KLHL3: variants seen among roughly 807,000 people sequenced by gnomAD.
The protein encoded by KLHL3 is kelch-like protein 3.
In KLHL3, 19 loss-of-function variants were observed where a neutral mutation model predicts 70.5. The observed-to-expected ratio is 0.27, with a 90% CI of 0.19 to 0.40. The LOEUF is 0.40. Among genes scored for constraint, KLHL3 ranks in the 10% least tolerant of loss-of-function variants. The pLI is 1.00. For synonymous variants in KLHL3, 258 were observed against 290.3 expected, an observed-to-expected ratio of 0.89 and a Z score of 1.13; for missense variants, 512 against 771.1, an observed-to-expected ratio of 0.66 and a Z score of 3.98.
chr5:137,724,929 C>T (rs909313292), intron 1 of KLHL3: 18 of 412,942 alleles, frequency 4.4e-5, no homozygotes, highest in Middle Eastern at 1.2e-3. Context: ...AACCTATACC[C>T]TCCAGCAATA....
chr5:137,705,706 A>G (rs984158889), intron 3 of KLHL3, among the ~76,000 whole-genome samples: 1 of 152,156 alleles, frequency 6.6e-6, no homozygotes, highest in African/African-American at 2.4e-5. Context: ...TTAACACCAT[A>G]AAATAGGGGC....
chr5:137,715,380 T>G (rs1026695464), intron 2 of KLHL3, among the ~76,000 whole-genome samples: 2 of 152,228 alleles, frequency 1.3e-5, no homozygotes, highest in Admixed American at 6.5e-5. Flanking sequence ...AACCCCTGGA[T>G]GGCAAGATGC....
At chr5:137,692,951 A>G (rs568265695) in intron 4 of KLHL3, among the ~76,000 whole-genome samples, 2 of 152,302 alleles carry the variant, frequency 1.3e-5, no homozygotes, top group South Asian at 4.1e-4. Context: ...CTCAATAGGT[A>G]TGGAGTGTGG....
chr5:137,668,316 C>A (rs952435671), intron 6 of KLHL3, among the ~76,000 whole-genome samples: 1 of 152,104 alleles, frequency 6.6e-6, no homozygotes, highest in Non-Finnish European at 1.5e-5. Flanking sequence ...AAGGCTGAGG[C>A]AGGAAAATCG....
chr5:137,629,765 T>G (rs929364935), intron 12 of KLHL3: 2 of 152,228 alleles, frequency 1.3e-5, no homozygotes, highest in African/African-American at 2.4e-5. Flanking sequence ...ACAATGGCTC[T>G]CTCTAACTGA....
In KLHL3 at chr5:137,621,763, G is replaced by C. The variant is rs1750310971; in HGVS notation, c.*335C>G. 3.4e-6 allele frequency: 1 copy of C among 295,686 alleles called. No homozygotes were observed. The highest frequency in any genetic ancestry group is 6.1e-6 in the Non-Finnish European group (1 of 165,206). 18.3% of individuals were successfully genotyped at this position (295,686 alleles called of 1,614,324 possible). A position where few individuals can be genotyped will look rare whatever the true frequency, so the allele number is the denominator to read the frequency against. Reference sequence around the variant, plus strand: ...ACCCCCCAACTTAGAGAAACATAGAGAAACACCATGGTCTACACACACACA... The same window carrying C: ...ACCCCCCAACTTAGAGAAACATAGACAAACACCATGGTCTACACACACACA... On this transcript the variant is annotated 3_prime_UTR_variant, in exon 15 of 15. Transcript: ENST00000309755.
At chr5:137,703,539 G>A (rs1225559802) in intron 3 of KLHL3, among the ~76,000 whole-genome samples, 1 of 152,182 alleles carries the variant, frequency 6.6e-6, no homozygotes. Context: ...TAGTTCACAG[G>A]TCCTTATGTC....
At chr5:137,692,163 T>C in intron 5 of KLHL3, 122 bp downstream of exon 5, 1 of 839,182 alleles carries the variant, frequency 1.2e-6, no homozygotes. Context: ...CCTGTATCCC[T>C]AACTAAATCA....
At chr5:137,726,738 T>C (rs576872778) in intron 1 of KLHL3, among the ~76,000 whole-genome samples, 139 of 152,264 alleles carry the variant, frequency 9.1e-4, no homozygotes, top group African/African-American at 3.1e-3. Context: ...CATGAGGTCA[T>C]GCCCACAGTA....
At chr5:137,636,648 A>C (rs550223708) in intron 11 of KLHL3, among the ~76,000 whole-genome samples, 1 of 152,270 alleles carries the variant, frequency 6.6e-6, no homozygotes, top group Non-Finnish European at 1.5e-5. Context: ...GGATGGAGAG[A>C]ATCTGAGGCC....
chr5:137,672,444 A>G (rs1356799739), intron 6 of KLHL3, among the ~76,000 whole-genome samples: 1 of 152,236 alleles, frequency 6.6e-6, no homozygotes, highest in East Asian at 1.9e-4. Flanking sequence ...AGGAGACAAC[A>G]GCGCATTTTA....
intron 5 of KLHL3, among the ~76,000 whole-genome samples, chr5:137,682,874 G>A (rs1752067867): frequency 1.3e-5 from 2 of 152,046 alleles, no homozygotes; most frequent in Admixed American, 6.5e-5. Flanking sequence ...GCTAGCCCCA[G>A]GACTATTCTT....
At chr5:137,720,011 G>C (rs1752966913) in intron 2 of KLHL3, among the ~76,000 whole-genome samples, 1 of 152,090 alleles carries the variant, frequency 6.6e-6, no homozygotes, top group African/African-American at 2.4e-5. Flanking sequence ...GAGTTCGAAA[G>C]GGGAAACCTG....
chr5:137,708,887 G>A (rs750300200), intron 3 of KLHL3, among the ~76,000 whole-genome samples: 1 of 152,148 alleles, frequency 6.6e-6, no homozygotes, highest in Non-Finnish European at 1.5e-5. Flanking sequence ...CTCAGAGCAG[G>A]CACAAGCACT....
intron 13 of KLHL3, among the ~76,000 whole-genome samples, 156 bp from the exon 14 acceptor site, chr5:137,626,052 T>C (rs879942770): frequency 1.3e-5 from 2 of 152,124 alleles, no homozygotes; most frequent in Non-Finnish European, 2.9e-5. Flanking sequence ...GTTTGCTAAG[T>C]GAAAGAAAAT....
chr5:137,699,257 C>A (rs943511248), intron 3 of KLHL3, among the ~76,000 whole-genome samples: 1 of 152,054 alleles, frequency 6.6e-6, no homozygotes, highest in Non-Finnish European at 1.5e-5. Flanking sequence ...GGGATCCATT[C>A]GTGCAAAGAG....
intron 3 of KLHL3, among the ~76,000 whole-genome samples, chr5:137,704,442 C>G (rs994198085): frequency 1.6e-4 from 25 of 152,054 alleles, no homozygotes; most frequent in Admixed American, 1.1e-3. Context: ...AAAGCCCTTT[C>G]CAAGATACCA....
chr5:137,703,214 C>G (rs1219542326), intron 3 of KLHL3, among the ~76,000 whole-genome samples: 1 of 152,130 alleles, frequency 6.6e-6, no homozygotes, highest in African/African-American at 2.4e-5. Flanking sequence ...TCACAGAATA[C>G]CTTCTTGCTC....
chr5:137,628,341 G>C lies in KLHL3; in HGVS notation c.1547C>G (p.Thr516Ser), dbSNP rs1308635808. 2 of 1,613,896 alleles carry C rather than the reference G, an allele frequency of 1.2e-6. No homozygotes were observed. Among genetic ancestry groups the C allele is most frequent in the African/African-American group, 2.7e-5 (2 of 74,858 alleles). The change falls in exon 13 of 15, where the codon ACC (threonine) becomes AGC (serine). Residue 516 changes from threonine (T) to serine (S), a missense_variant. Thr to Ser is a moderately conservative substitution (Grantham distance 58, BLOSUM62 1). Coordinates refer to ENST00000309755, the MANE Select transcript of KLHL3 (RefSeq NM_017415.3). ...SVEVYDPGTN[T>S]WKQVADMNMC... ...GTTCATGTCTGCCACTTGCTTCCAG[G>C]TATTTGTTCCAGGATCGTAAACCTC...
Sources: gnomAD v4.1 joint callset for allele counts (sites outside exome capture counted in the v4.1 genomes callset) on GRCh38, gnomAD v4.1.1 for gene constraint, MANE v1.5 for transcripts, NCBI Gene and HGNC (gene_info 2026-07-23, HGNC 2026-07-21) for gene names.